MACROD2: variants seen among roughly 807,000 people sequenced by gnomAD.
The protein encoded by MACROD2 is mono-ADP ribosylhydrolase 2, also known as ADP-ribose glycohydrolase MACROD2.
In MACROD2, 36 loss-of-function variants were observed where a neutral mutation model predicts 70.4. The observed-to-expected ratio is 0.51, with a 90% CI of 0.39 to 0.68. The LOEUF (loss-of-function observed/expected upper bound fraction) is 0.68, where lower values mean the gene tolerates loss of function less well. Among genes scored for constraint, MACROD2 ranks in the 30% least tolerant of loss-of-function variants. The probability of loss-of-function intolerance (pLI) is 0.00; values close to 1 mark genes in which losing one functional copy is unlikely to be tolerated. For synonymous variants in MACROD2, 172 were observed against 178.8 expected (o/e 0.96, Z 0.30); for missense variants, 496 against 538.4 (o/e 0.92, Z 0.78).
chr20:14,915,759 C>T (rs1371476978), intron 5 of MACROD2, among the ~76,000 whole-genome samples: 1 of 152,080 alleles, frequency 6.6e-6, no homozygotes, highest in Non-Finnish European at 1.5e-5. Flanking sequence ...GTTTCATGTC[C>T]ACAGCACGGT....
chr20:16,039,675 G>C (rs185558859), intron 15 of MACROD2, among the ~76,000 whole-genome samples: 43 of 152,040 alleles, frequency 2.8e-4, no homozygotes, highest in African/African-American at 9.2e-4. Flanking sequence ...CTGTAATTGT[G>C]TGTTCAAGGA....
At chr20:15,113,427 A>T (rs533756641) in intron 5 of MACROD2, among the ~76,000 whole-genome samples, 1 of 152,268 alleles carries the variant, frequency 6.6e-6, no homozygotes, top group African/African-American at 2.4e-5. Flanking sequence ...AGTCATATTG[A>T]ATAAAGGGGC....
intron 5 of MACROD2, among the ~76,000 whole-genome samples, chr20:14,818,831 T>TTG (rs1205871239): frequency 1.6e-5 from 2 of 122,956 alleles, no homozygotes; most frequent in Admixed American, 1.8e-4. Context: ...TTAGGTTTTT[T>TTG]TTTTTTTTTT....
chr20:14,456,126 A>G (rs1446666059), intron 3 of MACROD2, among the ~76,000 whole-genome samples: 1 of 151,812 alleles, frequency 6.6e-6, no homozygotes, highest in African/African-American at 2.4e-5. Flanking sequence ...ATTAATAAGG[A>G]TTTCTTATGT....
chr20:14,026,592 T>C (rs181994423), intron 2 of MACROD2, among the ~76,000 whole-genome samples: 1 of 152,334 alleles, frequency 6.6e-6, no homozygotes, highest in Admixed American at 6.5e-5. Flanking sequence ...TTATTTCTCC[T>C]TCACTTATGA....
At chr20:14,462,165 T>C (rs1271675547) in intron 3 of MACROD2, among the ~76,000 whole-genome samples, 1 of 152,192 alleles carries the variant, frequency 6.6e-6, no homozygotes, top group East Asian at 1.9e-4. Flanking sequence ...GTAAAAGTGT[T>C]CCGATTTCTC....
chr20:14,620,998 C>T (rs1041542719), intron 4 of MACROD2, among the ~76,000 whole-genome samples: 2 of 152,144 alleles, frequency 1.3e-5, no homozygotes, highest in South Asian at 4.1e-4. Context: ...TTCACATTCT[C>T]TATCAGTCCT....
At chr20:14,142,157 T>A (rs1225479370) in intron 3 of MACROD2, among the ~76,000 whole-genome samples, 1 of 152,212 alleles carries the variant, frequency 6.6e-6, no homozygotes. Flanking sequence ...TTTCCCTTTT[T>A]TTCCTAATAG....
chr20:14,656,309 AG>A (rs757080453), intron 4 of MACROD2, among the ~76,000 whole-genome samples: 1 of 152,348 alleles, frequency 6.6e-6, no homozygotes, highest in Non-Finnish European at 1.5e-5. Flanking sequence ...GGGTTGACTA[AG>A]AAATTCATAT....
chr20:14,061,294 T>G lies in MACROD2; in HGVS notation c.164-24327T>G, dbSNP rs1357774418. The stretch of plus-strand genomic sequence containing the variant: ...GATACTTGAGTTGAATGAATTTGTT[T>G]AAAGTTCTTTTTAAAATTGCATGAA... On this transcript the variant is annotated intron_variant, in intron 2 of 17. Transcript: ENST00000684519. Among the ~76,000 whole-genome samples the G allele has an allele frequency of 2.0e-5, 3 of 152,202 alleles. No homozygotes were observed. In the East Asian group the frequency reaches 5.8e-4, roughly 29 times the overall value.
At chr20:15,252,003 GTGGCTCTAACT>G (rs2077160073) in intron 6 of MACROD2, among the ~76,000 whole-genome samples, 1 of 152,182 alleles carries the variant, frequency 6.6e-6, no homozygotes, top group African/African-American at 2.4e-5. Flanking sequence ...TGGTATCTGT[GTGGCTCTAACT>G]TTATCAATTC....
Position 14,248,482 on chromosome 20 carries a change from C to T in MACROD2, c.271+162754C>T, listed in dbSNP as rs572097968. Among the ~76,000 whole-genome samples, 19 of 152,164 alleles carry T rather than the reference C, an allele frequency of 1.2e-4. No homozygotes were observed. In the East Asian group the frequency reaches 2.7e-3, roughly 22 times the overall value. On this transcript the variant is annotated intron_variant, in intron 3 of 17. Coordinates refer to ENST00000684519, the MANE Select transcript of MACROD2 (RefSeq NM_001351661.2). ...CCTGTAATCCCAGCTACTCTGGAGG[C>T]GGAGGCAGGAGAATCGCTTGAACCC...
chr20:14,742,071 CT>C (rs1178074528), intron 5 of MACROD2, among the ~76,000 whole-genome samples: 1 of 152,124 alleles, frequency 6.6e-6, no homozygotes, highest in African/African-American at 2.4e-5. Flanking sequence ...TAAGTCTGTA[CT>C]GAAAAACGTT....
intron 10 of MACROD2, chr20:15,893,015 G>A (rs1262077081): frequency 2.5e-6 from 1 of 399,302 alleles, no homozygotes; most frequent in Non-Finnish European, 4.4e-6. Context: ...GCGAGGGTAA[G>A]TCCTGTCCCT....
In MACROD2 at chr20:14,522,521, T is replaced by G. The variant is rs191088242; in HGVS notation, c.301+29013T>G. 3.3e-5 allele frequency among the ~76,000 whole-genome samples: 5 copies of G among 152,354 alleles called. No individual in the cohort carries two copies. The East Asian group carries it at 9.6e-4, about 29-fold the overall frequency. ...GTAAGGTGCCTCTACTCTGTCGGGC[T>G]TACTATTTAAGATCCTTAGTGGGTG... On this transcript the variant is annotated intron_variant, in intron 4 of 17. Coordinates refer to ENST00000684519, the MANE Select transcript of MACROD2 (RefSeq NM_001351661.2).
intron 7 of MACROD2, among the ~76,000 whole-genome samples, chr20:15,471,781 C>T (rs1259857382): frequency 6.6e-6 from 1 of 152,070 alleles, no homozygotes; most frequent in Non-Finnish European, 1.5e-5. Context: ...ACAGTCAGCT[C>T]CTCTGCCTTT....
chr20:15,175,710 T>G (rs985788450), intron 5 of MACROD2, among the ~76,000 whole-genome samples: 2 of 152,132 alleles, frequency 1.3e-5, no homozygotes, highest in Admixed American at 6.5e-5. Flanking sequence ...GATAGGAGTT[T>G]TCATGTTTAG....
At chr20:15,795,081 T>C (rs2063660967) in intron 8 of MACROD2, among the ~76,000 whole-genome samples, 1 of 152,118 alleles carries the variant, frequency 6.6e-6, no homozygotes, top group African/African-American at 2.4e-5. Flanking sequence ...ATTCCAAAAG[T>C]TGCCATTTAT....
At chr20:14,744,002 GA>G (rs1202896083) in intron 5 of MACROD2, among the ~76,000 whole-genome samples, 7 of 152,028 alleles carry the variant, frequency 4.6e-5, no homozygotes, top group Admixed American at 1.3e-4. Context: ...AAAAGTCAAG[GA>G]AATAGATGCT....
Sources: gnomAD v4.1 joint callset for allele counts (sites outside exome capture counted in the v4.1 genomes callset) on GRCh38, gnomAD v4.1.1 for gene constraint, MANE v1.5 for transcripts, NCBI Gene and HGNC (gene_info 2026-07-23, HGNC 2026-07-21) for gene names.